COL8A1: variants seen among roughly 807,000 people sequenced by gnomAD.
The protein encoded by COL8A1 is collagen type VIII alpha 1 chain.
COL8A1 carries 21 observed loss-of-function variants against 42.7 expected under a neutral mutation model. That is an observed-to-expected ratio of 0.49 (90% CI 0.35 to 0.71). COL8A1 has a LOEUF of 0.71. Ranked by LOEUF, COL8A1 falls within the 30% of genes least tolerant of loss-of-function variation. The pLI is 0.01. For missense variants in COL8A1, 788 were observed against 962.4 expected, an observed-to-expected ratio of 0.82 and a Z score of 2.40; for synonymous variants, 367 against 369.1, an observed-to-expected ratio of 0.99 and a Z score of 0.06.
At chr3:99,671,530 T>C (rs79343504) in intron 1 of COL8A1, among the ~76,000 whole-genome samples, 2,199 of 152,144 alleles carry the variant, frequency 0.014, 41 homozygotes, top group African/African-American at 0.051. Flanking sequence ...ACTGTAGTCA[T>C]TATGATGTAC....
chr3:99,786,648 A>G (rs1941902305), intron 2 of COL8A1, among the ~76,000 whole-genome samples: 1 of 152,126 alleles, frequency 6.6e-6, no homozygotes, highest in South Asian at 2.1e-4. Context: ...TATAAAATGT[A>G]TTTTTAACAT....
chr3:99,674,913 G>A (rs927658745), intron 1 of COL8A1, among the ~76,000 whole-genome samples: 5 of 152,024 alleles, frequency 3.3e-5, no homozygotes, highest in Admixed American at 1.3e-4. Flanking sequence ...CACACCCATA[G>A]CATTAGTTTC....
In COL8A1 at chr3:99,682,718, C is replaced by G. The variant is rs527448212; in HGVS notation, c.-129+44054C>G. On this transcript the variant is annotated intron_variant, in intron 1 of 3. Transcript: ENST00000652472. ...TGTGACCTCAGGCATCTCCGTTAAG[C>G]TCTCCAATGCTCAATTTCCTCTCTT... 2.0e-5 allele frequency among the ~76,000 whole-genome samples: 3 copies of G among 152,094 alleles called. No individual in the cohort carries two copies. The East Asian group carries it at 5.8e-4, about 29-fold the overall frequency.
intron 2 of COL8A1, among the ~76,000 whole-genome samples, chr3:99,774,999 C>T (rs1371909105): frequency 6.6e-6 from 1 of 152,148 alleles, no homozygotes; most frequent in African/African-American, 2.4e-5. Flanking sequence ...GAGGAAGAAA[C>T]AGTGGTAGGT....
intron 1 of COL8A1, among the ~76,000 whole-genome samples, chr3:99,649,225 C>T (rs1037342074): frequency 2.6e-5 from 4 of 152,116 alleles, no homozygotes; most frequent in Non-Finnish European, 5.9e-5. Context: ...TCTGTACAAG[C>T]CCTGCCACAG....
intron 1 of COL8A1, among the ~76,000 whole-genome samples, chr3:99,729,123 C>A (rs1246117425): frequency 1.3e-5 from 2 of 151,976 alleles, no homozygotes; most frequent in African/African-American, 4.8e-5. Context: ...TCAAAAGTAT[C>A]AGAAGGATGC....
chr3:99,749,934 A>G (rs1941106513), intron 2 of COL8A1, among the ~76,000 whole-genome samples: 1 of 151,896 alleles, frequency 6.6e-6, no homozygotes, highest in African/African-American at 2.4e-5. Context: ...GTGATAAGTT[A>G]TCTTTGAAGG....
chr3:99,735,937 A>G (rs1416504029), intron 1 of COL8A1, among the ~76,000 whole-genome samples: 11 of 151,924 alleles, frequency 7.2e-5, no homozygotes, highest in Non-Finnish European at 1.2e-4. Context: ...GTTTATTTGC[A>G]TAGAGGTGTT....
chr3:99,657,626 T>C (rs779232741), intron 1 of COL8A1, among the ~76,000 whole-genome samples: 3 of 152,196 alleles, frequency 2.0e-5, no homozygotes, highest in Non-Finnish European at 4.4e-5. Flanking sequence ...TAACGCATCT[T>C]AGCTTCAGGC....
chr3:99,690,797 C>T (rs551646704), intron 1 of COL8A1, among the ~76,000 whole-genome samples: 4 of 152,180 alleles, frequency 2.6e-5, no homozygotes, highest in Non-Finnish European at 5.9e-5. Context: ...TTAAAATTCA[C>T]GGAATTAGCA....
intron 1 of COL8A1, among the ~76,000 whole-genome samples, chr3:99,665,673 C>CTTT (rs67004417): frequency 1.7e-3 from 122 of 70,214 alleles, no homozygotes; most frequent in Admixed American, 2.3e-3. Flanking sequence ...TGAATTAATT[C>CTTT]TTTTTTTTTT....
intron 2 of COL8A1, among the ~76,000 whole-genome samples, chr3:99,787,921 A>G (rs1347980049): frequency 6.6e-6 from 1 of 152,046 alleles, no homozygotes; most frequent in African/African-American, 2.4e-5. Context: ...AATAGAAATC[A>G]AAGAAAATAT....
chr3:99,763,725 T>C (rs1261926838), intron 2 of COL8A1, among the ~76,000 whole-genome samples: 2 of 152,166 alleles, frequency 1.3e-5, no homozygotes, highest in Admixed American at 1.3e-4. Context: ...ATGCACCCAG[T>C]ACCATGTTCT....
intron 1 of COL8A1, among the ~76,000 whole-genome samples, chr3:99,663,793 A>G (rs898841930): frequency 1.3e-5 from 2 of 148,344 alleles, no homozygotes; most frequent in Admixed American, 6.7e-5. Context: ...GAATATTTTT[A>G]ATCTTAAATT....
chr3:99,793,774 T>G (rs1387866877), intron 3 of COL8A1, among the ~76,000 whole-genome samples: 1 of 152,214 alleles, frequency 6.6e-6, no homozygotes, highest in African/African-American at 2.4e-5. Context: ...CTTTTGGAGA[T>G]GGAGTTTCGC....
intron 1 of COL8A1, among the ~76,000 whole-genome samples, chr3:99,647,321 G>C (rs1032883065): frequency 2.0e-5 from 3 of 152,122 alleles, no homozygotes; most frequent in South Asian, 2.1e-4. Flanking sequence ...CTTGCTAGTT[G>C]TTAAGTAATA....
chr3:99,659,311 C>T (rs1383598943), intron 1 of COL8A1, among the ~76,000 whole-genome samples: 1 of 152,208 alleles, frequency 6.6e-6, no homozygotes, highest in Non-Finnish European at 1.5e-5. Context: ...TTAGTCACAA[C>T]TCCCACTTAA....
intron 2 of COL8A1, among the ~76,000 whole-genome samples, chr3:99,751,554 A>G (rs1941149695): frequency 6.6e-6 from 1 of 152,178 alleles, no homozygotes; most frequent in African/African-American, 2.4e-5. Flanking sequence ...GTGAGACTGA[A>G]AAAAAGAAAA....
intron 2 of COL8A1, among the ~76,000 whole-genome samples, chr3:99,749,949 G>C (rs558404928): frequency 1.3e-5 from 2 of 150,660 alleles, no homozygotes; most frequent in South Asian, 4.2e-4. Flanking sequence ...TGAAGGTAGA[G>C]ATTTAAAATT....
Sources: gnomAD v4.1 joint callset for allele counts (sites outside exome capture counted in the v4.1 genomes callset) on GRCh38, gnomAD v4.1.1 for gene constraint, MANE v1.5 for transcripts, NCBI Gene and HGNC (gene_info 2026-07-23, HGNC 2026-07-21) for gene names.